The following YBX1 variants were observed in gnomAD, a reference collection of about 807,000 sequenced individuals.
YBX1 encodes the protein Y-box-binding protein 1.
YBX1 carries 3 observed loss-of-function variants against 41.4 expected under a neutral mutation model. The ratio of observed to expected loss-of-function variants is 0.07; its 90% confidence interval spans 0.03 to 0.19. YBX1 has a LOEUF of 0.19. Ranked by LOEUF, YBX1 falls within the 10% of genes least tolerant of loss-of-function variation. The pLI, the probability that YBX1 is intolerant of heterozygous loss-of-function variation, is 1.00. For synonymous variants in YBX1, 133 were observed against 165.8 expected, an observed-to-expected ratio of 0.80 and a Z score of 1.52; for missense variants, 274 against 462.8, an observed-to-expected ratio of 0.59 and a Z score of 3.74.
intron 2 of YBX1, among the ~76,000 whole-genome samples, chr1:42,686,311 A>G (rs200613173): frequency 1.3e-5 from 2 of 152,236 alleles, no homozygotes; most frequent in East Asian, 3.8e-4. Flanking sequence ...TAGACAGTAC[A>G]GTATTTTTTA....
chr1:42,687,545 G>C (rs1650226068), intron 2 of YBX1, among the ~76,000 whole-genome samples: 1 of 152,164 alleles, frequency 6.6e-6, no homozygotes, highest in Non-Finnish European at 1.5e-5. Context: ...GCCTCCCAAA[G>C]TGCTGGGATT....
chr1:42,700,857 G>T lies in YBX1; in HGVS notation c.817G>T (p.Gly273Cys). The T allele has an allele frequency of 6.2e-7, 1 of 1,613,666 alleles. No individual in the cohort carries two copies. Among genetic ancestry groups the T allele is most frequent in the East Asian group, 2.2e-5 (1 of 44,874 alleles). The change falls in exon 7 of 8, where the codon GGT becomes TGT. Residue 273 changes from glycine (G) to cysteine (C), a missense_variant. Coordinates refer to ENST00000321358, the MANE Select transcript of YBX1 (RefSeq NM_004559.5). ...DKENQGDETQ[G>C]QQPPQRRYRR... ...AGAAAATCAAGGAGATGAGACCCAA[G>T]GTCAGCAGCCACCTCAACGTCGGTA...
intron 2 of YBX1, among the ~76,000 whole-genome samples, chr1:42,685,864 T>G (rs1180362025): frequency 6.6e-6 from 1 of 152,244 alleles, no homozygotes; most frequent in East Asian, 1.9e-4. Flanking sequence ...TAGAATTAAT[T>G]CATGAAAGGG....
At chr1:42,684,178 T>C (rs1057326448) in intron 2 of YBX1, among the ~76,000 whole-genome samples, 48 of 152,364 alleles carry the variant, frequency 3.2e-4, no homozygotes, top group Non-Finnish European at 4.4e-5. Flanking sequence ...CACTGGTAAC[T>C]TGACATTTTT....
intron 2 of YBX1, among the ~76,000 whole-genome samples, chr1:42,690,036 A>G (rs374687507): frequency 4.6e-5 from 7 of 152,164 alleles, no homozygotes; most frequent in African/African-American, 1.4e-4. Context: ...CCTAGGTTAC[A>G]CAGCTGTTAA....
intron 2 of YBX1, among the ~76,000 whole-genome samples, chr1:42,685,925 A>G (rs1650183649): frequency 6.6e-6 from 1 of 152,240 alleles, no homozygotes; most frequent in Non-Finnish European, 1.5e-5. Context: ...ACATGAGCAT[A>G]GAGCTTTTAA....
chr1:42,691,020 C>T (rs1379065564), intron 2 of YBX1, among the ~76,000 whole-genome samples: 1 of 152,178 alleles, frequency 6.6e-6, no homozygotes, highest in Admixed American at 6.5e-5. Flanking sequence ...GAAAGCTGCA[C>T]TGCAGCTGTC....
intron 2 of YBX1, among the ~76,000 whole-genome samples, chr1:42,687,334 G>C (rs963031948): frequency 6.7e-6 from 1 of 148,814 alleles, no homozygotes; most frequent in Admixed American, 6.7e-5. Context: ...ACCCAGGCTG[G>C]AGTGCAATGG....
intron 2 of YBX1, among the ~76,000 whole-genome samples, chr1:42,690,536 T>G (rs1404252783): frequency 6.6e-6 from 1 of 152,182 alleles, no homozygotes; most frequent in Non-Finnish European, 1.5e-5. Context: ...GTTAAAACAA[T>G]GCAGGGCACT....
chr1:42,683,919 T>C (rs1650126640), intron 2 of YBX1, among the ~76,000 whole-genome samples: 1 of 152,232 alleles, frequency 6.6e-6, no homozygotes. Flanking sequence ...TTTTGTCATC[T>C]TTACCGAGAG....
chr1:42,699,635 T>C (rs558246405), intron 6 of YBX1, among the ~76,000 whole-genome samples: 1 of 151,478 alleles, frequency 6.6e-6, no homozygotes, highest in South Asian at 2.1e-4. Flanking sequence ...TTTTTTTAAA[T>C]TGTTTTGTAG....
At chr1:42,683,326 C>G in intron 1 of YBX1, 77 bp from the exon 2 acceptor site, 1 of 1,577,476 alleles carries the variant, frequency 6.3e-7, no homozygotes, top group East Asian at 2.2e-5. Flanking sequence ...GTGCGAGGGA[C>G]CGGATGCCCA....
intron 2 of YBX1, 129 bp from the exon 3 acceptor site, chr1:42,693,361 G>A (rs1650386825): frequency 1.1e-6 from 1 of 945,320 alleles, no homozygotes; most frequent in South Asian, 1.4e-5. Context: ...ATGGTGGCTT[G>A]TGTTTTTTGA....
chr1:42,694,871 G>C (rs761354694), intron 3 of YBX1, among the ~76,000 whole-genome samples: 3 of 152,168 alleles, frequency 2.0e-5, no homozygotes, highest in Admixed American at 6.5e-5. Context: ...AGGAACAAGA[G>C]ACAGCAAAGT....
rs570441444 is a variant in YBX1, at chr1:42,682,491, G to A, written c.-75G>A. The A allele has an allele frequency of 5.0e-5, 68 of 1,353,434 alleles. No individual in the cohort carries two copies. The South Asian group carries it at 9.8e-4, about 20-fold the overall frequency. 83.8% of individuals were successfully genotyped at this position (1,353,434 alleles called of 1,614,324 possible). ...AGCCCTGAGCAGCCCCACCGCCGCCGCCGGCCTAGTTACCATCACACCCCG... is the reference window on the plus strand; with the variant it reads ...AGCCCTGAGCAGCCCCACCGCCGCCACCGGCCTAGTTACCATCACACCCCG... On this transcript the variant is annotated 5_prime_UTR_variant, in exon 1 of 8. Coordinates refer to ENST00000321358, the MANE Select transcript of YBX1 (RefSeq NM_004559.5).
Position 42,696,302 on chromosome 1 carries a change from T to C in YBX1, c.354+14T>C. 1 of 1,611,632 alleles carries C rather than the reference T, an allele frequency of 6.2e-7. No homozygotes were observed. Among genetic ancestry groups the C allele is most frequent in the Non-Finnish European group, 8.5e-7 (1 of 1,178,910 alleles). On this transcript the variant is annotated intron_variant, in intron 4 of 7. Transcript: ENST00000321358. The surrounding 1 kb of genome is among the most constrained non-coding windows in gnomAD (Gnocchi z 5.7). ...GAAGGAGAAAAGGTGAGGATGCTTTTTGTGTAAAGGTTTGACTTCAGTATG... is the reference window on the plus strand; with the variant it reads ...GAAGGAGAAAAGGTGAGGATGCTTTCTGTGTAAAGGTTTGACTTCAGTATG...
chr1:42,697,139 A>G (rs1347281403), intron 5 of YBX1, 41 bp from the exon 6 acceptor site: 20 of 1,590,120 alleles, frequency 1.3e-5, no homozygotes, highest in East Asian at 2.2e-5. Context: ...TTTTTATTAT[A>G]TTACTGACCC....
At chr1:42,699,849 A>C (rs1197103137) in intron 6 of YBX1, among the ~76,000 whole-genome samples, 1 of 152,206 alleles carries the variant, frequency 6.6e-6, no homozygotes, top group African/African-American at 2.4e-5. Context: ...AAGGTACATA[A>C]TTGGAAAGTT....
At chr1:42,683,588 G>C (rs1176826778) in intron 2 of YBX1, 122 bp downstream of exon 2, 1 of 1,022,160 alleles carries the variant, frequency 9.8e-7, no homozygotes, top group African/African-American at 1.6e-5. Flanking sequence ...TACTACCTCT[G>C]GTGTATTAGT....
Sources: allele counts gnomAD v4.1 joint callset (sites outside exome capture counted in the v4.1 genomes callset), GRCh38; gene constraint gnomAD v4.1.1; non-coding constraint Gnocchi (gnomAD v3.1); transcripts MANE v1.5; gene names NCBI Gene and HGNC (gene_info 2026-07-23, HGNC 2026-07-21).